The following PCDHGA4 variants were observed in gnomAD, a reference collection of about 807,000 sequenced individuals.
The protein encoded by PCDHGA4 is protocadherin gamma-A4.
Under a neutral mutation model 54.6 loss-of-function variants are expected in PCDHGA4, and 38 were observed. The observed-to-expected ratio is 0.70, with a 90% CI of 0.54 to 0.91. PCDHGA4 has a LOEUF of 0.91. PCDHGA4 is among the 40% of genes least tolerant of loss of function. The pLI, the probability that PCDHGA4 is intolerant of heterozygous loss-of-function variation, is 0.00. For synonymous variants in PCDHGA4, 511 were observed against 512.9 expected, an observed-to-expected ratio of 1.00 and a Z score of 0.05; for missense variants, 1,298 against 1,220.9, an observed-to-expected ratio of 1.06 and a Z score of -0.94.
chr5:141,491,072 C>T lies in PCDHGA4; in HGVS notation c.2515-3735C>T, dbSNP rs778221466. The T allele has an allele frequency of 6.2e-7, 1 of 1,614,204 alleles. No individual in the cohort carries two copies. Among genetic ancestry groups the T allele is most frequent in the South Asian group, 1.1e-5 (1 of 91,086 alleles). On this transcript the variant is annotated intron_variant, in intron 1 of 3. Coordinates refer to ENST00000571252, the MANE Select transcript of PCDHGA4 (RefSeq NM_018917.4). The surrounding 1 kb of genome is among the most constrained non-coding windows in gnomAD (Gnocchi z 6.9). ...GCGTGGCTCTCCTACTCACTGTTGCCACAGTCCACAGCCCCAGGACTGTTC... is the reference window on the plus strand; with the variant it reads ...GCGTGGCTCTCCTACTCACTGTTGCTACAGTCCACAGCCCCAGGACTGTTC...
At chr5:141,460,849 G>A (rs908955373) in intron 1 of PCDHGA4, among the ~76,000 whole-genome samples, 1 of 150,224 alleles carries the variant, frequency 6.7e-6, no homozygotes, top group Non-Finnish European at 1.5e-5. Flanking sequence ...CCTCCAGTTC[G>A]ATCCAAGTTG....
intron 1 of PCDHGA4, chr5:141,376,390 T>C (rs776058989): frequency 1.0e-4 from 166 of 1,614,188 alleles, no homozygotes; most frequent in Middle Eastern, 1.6e-4. Flanking sequence ...GTCATCTGAT[T>C]TTCCCCCAGC....
intron 1 of PCDHGA4, chr5:141,393,251 G>A: frequency 6.2e-7 from 1 of 1,613,814 alleles, no homozygotes; most frequent in Non-Finnish European, 8.5e-7. Context: ...ACGAAATCGC[G>A]GTTCCTGGAG....
intron 1 of PCDHGA4, chr5:141,372,116 C>T: frequency 6.2e-7 from 1 of 1,613,806 alleles, no homozygotes; most frequent in Non-Finnish European, 8.5e-7. Context: ...GCTCTGCGCT[C>T]TTCGATATGG....
chr5:141,372,772 A>C (rs1359362991), intron 1 of PCDHGA4: 2 of 1,611,080 alleles, frequency 1.2e-6, no homozygotes, highest in Non-Finnish European at 1.7e-6. Flanking sequence ...AGTAATGACA[A>C]TCCAGAAATG....
rs779250544 is a variant in PCDHGA4, at chr5:141,432,639, G to A, written c.2515-62168G>A. The A allele has an allele frequency of 1.2e-6, 2 of 1,613,816 alleles. No homozygotes were observed. Among genetic ancestry groups the A allele is most frequent in the Non-Finnish European group, 1.7e-6 (2 of 1,179,934 alleles). On this transcript the variant is annotated intron_variant, in intron 1 of 3. Coordinates refer to ENST00000571252, the MANE Select transcript of PCDHGA4 (RefSeq NM_018917.4). This position sits in a 1 kb window ranked among gnomAD's most constrained non-coding sequence, Gnocchi z 6.0. Reference sequence around the variant, plus strand: ...GTGGGTCTGCACACGGGCGAGGTGCGCACGGCGCGAGCCCTGCTGGACAGA... The same window carrying A: ...GTGGGTCTGCACACGGGCGAGGTGCACACGGCGCGAGCCCTGCTGGACAGA...
At chr5:141,475,046 T>C (rs1430484084) in intron 1 of PCDHGA4, among the ~76,000 whole-genome samples, 1 of 152,274 alleles carries the variant, frequency 6.6e-6, no homozygotes, top group African/African-American at 2.4e-5. Context: ...CTTTGTATTT[T>C]CTAAAGATTT....
chr5:141,375,163 A>G (rs1313060581), intron 1 of PCDHGA4: 1 of 1,613,892 alleles, frequency 6.2e-7, no homozygotes, highest in South Asian at 1.1e-5. Context: ...CTGAAAGTGC[A>G]CCTCCAGGAA....
chr5:141,382,913 C>T (rs1778570973), intron 1 of PCDHGA4: 1 of 1,553,116 alleles, frequency 6.4e-7, no homozygotes, highest in Admixed American at 2.0e-5. Flanking sequence ...GCGGCTCAGC[C>T]GAGGGGCGGG....
intron 1 of PCDHGA4, among the ~76,000 whole-genome samples, chr5:141,368,256 T>G (rs982604434): frequency 6.6e-6 from 1 of 152,192 alleles, no homozygotes; most frequent in Non-Finnish European, 1.5e-5. Flanking sequence ...AAAGGTTAAT[T>G]GACACATTAA....
chr5:141,422,987 A>AG, intron 1 of PCDHGA4: 1 of 1,614,168 alleles, frequency 6.2e-7, no homozygotes. Context: ...GAACCTGGCT[A>AG]CCTGGTGACC....
chr5:141,443,093 C>G (rs1316602934), intron 1 of PCDHGA4, among the ~76,000 whole-genome samples: 2 of 151,940 alleles, frequency 1.3e-5, no homozygotes, highest in African/African-American at 4.8e-5. Flanking sequence ...CAGTCTCCTT[C>G]TCAAGCTGAA....
At chr5:141,400,511 C>G (rs1456963604) in intron 1 of PCDHGA4, 1 of 1,613,824 alleles carries the variant, frequency 6.2e-7, no homozygotes, top group African/African-American at 1.3e-5. Context: ...GAGTCGACTT[C>G]CCATCCTGAG....
intron 1 of PCDHGA4, chr5:141,475,956 G>T (rs2099382674): frequency 2.5e-6 from 2 of 805,186 alleles, no homozygotes; most frequent in South Asian, 1.9e-5. Flanking sequence ...TCTGCGCCCC[G>T]GGATGAGGCA....
intron 1 of PCDHGA4, chr5:141,408,586 C>G: frequency 6.2e-7 from 1 of 1,613,976 alleles, no homozygotes; most frequent in Non-Finnish European, 8.5e-7. Context: ...ATGTTAATGA[C>G]CACGCCCCTC....
In PCDHGA4 at chr5:141,476,853, A is replaced by G; in HGVS notation, c.2515-17954A>G. ...AATGACAATGCGCCTGTCTTCAACCAGTCCTTGTACCGGGCGCGCGTCCTG... is the reference window on the plus strand; with the variant it reads ...AATGACAATGCGCCTGTCTTCAACCGGTCCTTGTACCGGGCGCGCGTCCTG... On this transcript the variant is annotated intron_variant, in intron 1 of 3. Coordinates refer to ENST00000571252, the MANE Select transcript of PCDHGA4 (RefSeq NM_018917.4). This position sits in a 1 kb window ranked among gnomAD's most constrained non-coding sequence, Gnocchi z 7.6. The G allele has an allele frequency of 6.2e-7, 1 of 1,613,870 alleles. No individual in the cohort carries two copies. Among genetic ancestry groups the G allele is most frequent in the Non-Finnish European group, 8.5e-7 (1 of 1,180,042 alleles).
At position 141,476,290 on chromosome 5, in the gene PCDHGA4, C is replaced by T. The variant is rs768208156; in HGVS notation, c.2515-18517C>T. ...TGGTCGCGAACCTTGGTTTGGATCT[C>T]GGTAGCCTCTCAGCCCGCAGGTTCC... On this transcript the variant is annotated intron_variant, in intron 1 of 3. Coordinates refer to ENST00000571252, the MANE Select transcript of PCDHGA4 (RefSeq NM_018917.4). The surrounding 1 kb of genome is among the most constrained non-coding windows in gnomAD (Gnocchi z 7.6). 1.7e-5 allele frequency: 27 copies of T among 1,613,932 alleles called. No individual in the cohort carries two copies. Among genetic ancestry groups the T allele is most frequent in the Non-Finnish European group, 2.3e-5 (27 of 1,180,018 alleles).
At chr5:141,501,602 A>T (rs766918685) in intron 2 of PCDHGA4, among the ~76,000 whole-genome samples, 1 of 152,026 alleles carries the variant, frequency 6.6e-6, no homozygotes. Flanking sequence ...TACCAGTTCC[A>T]GCTGTGTGAC....
At chr5:141,473,682 G>A (rs2099326903) in intron 1 of PCDHGA4, among the ~76,000 whole-genome samples, 1 of 152,186 alleles carries the variant, frequency 6.6e-6, no homozygotes, top group Admixed American at 6.5e-5. Context: ...GGGAAGGGCT[G>A]GGGTTCTGAC....
Sources: gnomAD v4.1 joint callset for allele counts (sites outside exome capture counted in the v4.1 genomes callset) on GRCh38, gnomAD v4.1.1 for gene constraint, Gnocchi (gnomAD v3.1) non-coding constraint, MANE v1.5 for transcripts, NCBI Gene and HGNC (gene_info 2026-07-23, HGNC 2026-07-21) for gene names.